THADA: variants seen among roughly 807,000 people sequenced by gnomAD.
THADA encodes the protein THADA armadillo repeat containing.
Under a neutral mutation model 219.8 loss-of-function variants are expected in THADA, and 213 were observed. That is an observed-to-expected ratio of 0.97 (90% CI 0.87 to 1.09). The LOEUF is 1.09. Among genes scored for constraint, THADA ranks in the 50% least tolerant of loss-of-function variants. The probability of loss-of-function intolerance (pLI) is 0.00; values close to 1 mark genes in which losing one functional copy is unlikely to be tolerated. For missense variants in THADA, 2,956 were observed against 2,311.3 expected, an observed-to-expected ratio of 1.28 and a Z score of -5.72; for synonymous variants, 1,018 against 828.9, an observed-to-expected ratio of 1.23 and a Z score of -3.92.
At chr2:43,504,267 A>G (rs755886205) in intron 24 of THADA, among the ~76,000 whole-genome samples, 2 of 152,198 alleles carry the variant, frequency 1.3e-5, no homozygotes, top group African/African-American at 2.4e-5. Flanking sequence ...TTTTAAAGAA[A>G]TAAAGACATT....
chr2:43,378,972 C>T (rs574836058), intron 29 of THADA, among the ~76,000 whole-genome samples: 3 of 152,038 alleles, frequency 2.0e-5, no homozygotes, highest in Admixed American at 6.6e-5. Context: ...GAGGATAAGA[C>T]AGAAATTGAG....
intron 29 of THADA, among the ~76,000 whole-genome samples, chr2:43,358,363 A>T (rs1669111314): frequency 6.6e-6 from 1 of 151,938 alleles, no homozygotes; most frequent in South Asian, 2.1e-4. Context: ...AAACTTTGAC[A>T]TTCCCAAGGC....
chr2:43,325,077 A>G (rs1196556921), intron 30 of THADA, among the ~76,000 whole-genome samples: 1 of 152,184 alleles, frequency 6.6e-6, no homozygotes, highest in Non-Finnish European at 1.5e-5. Context: ...TATCCACTTA[A>G]GAACTTGATT....
At chr2:43,586,331 A>G in intron 7 of THADA, 70 bp downstream of exon 7, 1 of 1,286,214 alleles carries the variant, frequency 7.8e-7, no homozygotes, top group Non-Finnish European at 1.1e-6. Context: ...AGACTTTTAA[A>G]TTTTTCTTTG....
chr2:43,522,373 C>T (rs1692606520), intron 22 of THADA, among the ~76,000 whole-genome samples: 1 of 152,128 alleles, frequency 6.6e-6, no homozygotes, highest in Non-Finnish European at 1.5e-5. Flanking sequence ...GACTTAGCTG[C>T]AGGCACAGGC....
At chr2:43,553,158 A>C (rs1222266590) in intron 17 of THADA, among the ~76,000 whole-genome samples, 1 of 152,186 alleles carries the variant, frequency 6.6e-6, no homozygotes, top group Non-Finnish European at 1.5e-5. Context: ...ATCTGTTGAC[A>C]GACGTAGATT....
chr2:43,259,394 CAT>C (rs1670685627), intron 36 of THADA, among the ~76,000 whole-genome samples: 1 of 152,244 alleles, frequency 6.6e-6, no homozygotes, highest in Non-Finnish European at 1.5e-5. Context: ...TGAGATAGTA[CAT>C]GATTGTCCGC....
At chr2:43,244,868 A>G (rs568375069) in intron 36 of THADA, among the ~76,000 whole-genome samples, 93 of 152,256 alleles carry the variant, frequency 6.1e-4, no homozygotes, top group Non-Finnish European at 1.1e-3. Context: ...TCCTATCTGC[A>G]TGGCCACTCA....
chr2:43,281,018 C>T (rs1232224935), intron 35 of THADA, among the ~76,000 whole-genome samples: 2 of 152,152 alleles, frequency 1.3e-5, no homozygotes, highest in African/African-American at 4.8e-5. Context: ...GTGGGGTGGG[C>T]CTGGGCTTGT....
At chr2:43,517,091 T>A (rs1381688938) in intron 22 of THADA, among the ~76,000 whole-genome samples, 1 of 152,102 alleles carries the variant, frequency 6.6e-6, no homozygotes, top group Non-Finnish European at 1.5e-5. Context: ...CTGGGTGACA[T>A]GAATAGAGAG....
chr2:43,463,333 C>T (rs929971197), intron 26 of THADA: 2 of 152,098 alleles, frequency 1.3e-5, no homozygotes, highest in South Asian at 2.1e-4. Flanking sequence ...GCAAACAGCC[C>T]GTGGAGTCCT....
rs760111032 is a variant in THADA, at chr2:43,552,173, T to C, written c.2810+31A>G. ...TAAAGCTCAGAAATGAATGGATTTC[T>C]GAGACAGGAGGCAGCTGTGGAAATC... On this transcript the variant is annotated intron_variant, in intron 18 of 37. Coordinates refer to ENST00000405975, the MANE Select transcript of THADA (RefSeq NM_022065.5). 4 of 1,591,514 alleles carry C rather than the reference T, an allele frequency of 2.5e-6. No homozygotes were observed. The African/African-American group carries it at 5.4e-5, about 21-fold the overall frequency.
intron 36 of THADA, among the ~76,000 whole-genome samples, chr2:43,244,032 T>C (rs1412490695): frequency 6.6e-6 from 1 of 152,212 alleles, no homozygotes; most frequent in Non-Finnish European, 1.5e-5. Context: ...TATTATTATT[T>C]TTAATCAACA....
At chr2:43,368,487 C>T (rs1412268547) in intron 29 of THADA, among the ~76,000 whole-genome samples, 1 of 152,084 alleles carries the variant, frequency 6.6e-6, no homozygotes, top group Non-Finnish European at 1.5e-5. Context: ...GCCTTGATCT[C>T]CTGGACTCAA....
intron 22 of THADA, among the ~76,000 whole-genome samples, chr2:43,524,354 T>C (rs1044202313): frequency 9.2e-5 from 14 of 152,346 alleles, no homozygotes; most frequent in Middle Eastern, 6.8e-3. Context: ...CATAATCCTA[T>C]TAAAAACCAA....
intron 28 of THADA, among the ~76,000 whole-genome samples, chr2:43,420,408 C>G (rs1288609498): frequency 6.6e-6 from 1 of 152,220 alleles, no homozygotes; most frequent in Middle Eastern, 3.2e-3. Context: ...GAATGTTTAA[C>G]AAATACTTGG....
At chr2:43,584,037 T>TAAAAAAAAAAAAAAAAAA (rs536050936) in intron 7 of THADA, among the ~76,000 whole-genome samples, 1 of 65,614 alleles carries the variant, frequency 1.5e-5, no homozygotes, top group African/African-American at 5.9e-5. Flanking sequence ...TTGTCTCAAT[T>TAAAAAAAAAAAAAAAAAA]AAAAAAAAAA....
In THADA at chr2:43,292,213, T is replaced by C; in HGVS notation, c.4828A>G (p.Ile1610Val). 1.9e-6 allele frequency: 3 copies of C among 1,603,056 alleles called. 1 individual carries two copies. The South Asian group carries it at 3.4e-5, about 18-fold the overall frequency. The change falls in exon 33 of 38, where the codon ATT (isoleucine) becomes GTT (valine). Residue 1610 changes from isoleucine to valine, a missense_variant. Transcript: ENST00000405975. ...TCACCAGGGTCCATGCAGTGGAGAA[T>C]TTTCAGTATCTGTGTAAGCCAAATC... Reference protein sequence around the residue: ...HPECFCKILKILHCMDPGEWL... With the variant: ...HPECFCKILKVLHCMDPGEWL...
intron 29 of THADA, among the ~76,000 whole-genome samples, chr2:43,393,979 A>G (rs1673717121): frequency 6.6e-6 from 1 of 152,208 alleles, no homozygotes; most frequent in African/African-American, 2.4e-5. Context: ...CTTGAGAGTG[A>G]TAAGTAACCT....
Sources: gnomAD v4.1 joint callset for allele counts (sites outside exome capture counted in the v4.1 genomes callset) on GRCh38, gnomAD v4.1.1 for gene constraint, MANE v1.5 for transcripts, NCBI Gene and HGNC (gene_info 2026-07-23, HGNC 2026-07-21) for gene names.